Variants in SNTG1 observed in about 807,000 individuals in gnomAD.
SNTG1 encodes syntrophin gamma 1.
SNTG1 carries 39 observed loss-of-function variants against 74.7 expected under a neutral mutation model. That is an observed-to-expected ratio of 0.52 (90% CI 0.40 to 0.68). SNTG1 has a LOEUF of 0.68. Among genes scored for constraint, SNTG1 ranks in the 30% least tolerant of loss-of-function variants. SNTG1 has a pLI of 0.00. For missense variants in SNTG1, 685 were observed against 609.5 expected (o/e 1.12, Z -1.30); for synonymous variants, 254 against 217.1 (o/e 1.17, Z -1.49).
At chr8:50,556,199 G>A (rs1178915156) in intron 12 of SNTG1, among the ~76,000 whole-genome samples, 3 of 152,102 alleles carry the variant, frequency 2.0e-5, no homozygotes, top group African/African-American at 7.2e-5. Flanking sequence ...CTTAGTAAAT[G>A]ATGTCTACTA....
At chr8:50,285,099 AAT>A (rs534694647) in intron 2 of SNTG1, among the ~76,000 whole-genome samples, 100 of 152,222 alleles carry the variant, frequency 6.6e-4, no homozygotes, top group Non-Finnish European at 1.3e-3. Context: ...AAGAACAGCA[AAT>A]GTTTCTCTCC....
At chr8:50,642,416 G>A (rs1320843881) in intron 13 of SNTG1, among the ~76,000 whole-genome samples, 1 of 152,058 alleles carries the variant, frequency 6.6e-6, no homozygotes, top group Non-Finnish European at 1.5e-5. Flanking sequence ...TGGCTTGCAG[G>A]GTGACTCAGA....
chr8:50,464,046 T>G (rs529517122), intron 8 of SNTG1, among the ~76,000 whole-genome samples: 1 of 152,328 alleles, frequency 6.6e-6, no homozygotes, highest in African/African-American at 2.4e-5. Context: ...AGCTTCCAAC[T>G]TTTCTTCTTC....
intron 4 of SNTG1, among the ~76,000 whole-genome samples, chr8:50,432,398 C>G (rs1190148584): frequency 6.6e-6 from 1 of 151,772 alleles, no homozygotes; most frequent in African/African-American, 2.4e-5. Context: ...GTCAAAAATG[C>G]CATGTTGTGT....
intron 2 of SNTG1, among the ~76,000 whole-genome samples, chr8:50,390,271 G>T (rs550639805): frequency 4.5e-4 from 69 of 152,278 alleles, no homozygotes; most frequent in African/African-American, 1.6e-3. Flanking sequence ...TAAGGTATAA[G>T]GAAGGGATCC....
rs1296405859 is a variant in SNTG1, at chr8:50,536,624, G to T, written c.550-54G>T. 4 of 1,588,406 alleles carry T rather than the reference G, an allele frequency of 2.5e-6. No homozygotes were observed. The Admixed American group carries it at 5.3e-5, about 21-fold the overall frequency. On this transcript the variant is annotated intron_variant, in intron 10 of 18. Transcript: ENST00000642720. Reference sequence around the variant, plus strand: ...CCAGATAAAAGGGGTTTGAGATACAGAAACTCAAAGCACAGAAGAAAAAAA... The same window carrying T: ...CCAGATAAAAGGGGTTTGAGATACATAAACTCAAAGCACAGAAGAAAAAAA...
chr8:50,335,349 G>A (rs147320833), intron 2 of SNTG1, among the ~76,000 whole-genome samples: 5 of 152,258 alleles, frequency 3.3e-5, no homozygotes, highest in Non-Finnish European at 5.9e-5. Context: ...TTTGCTTATC[G>A]GAAAACTGAA....
chr8:49,940,272 C>T (rs1462349686), intron 1 of SNTG1, among the ~76,000 whole-genome samples: 1 of 152,154 alleles, frequency 6.6e-6, no homozygotes, highest in Non-Finnish European at 1.5e-5. Flanking sequence ...CCTCGAAAGA[C>T]AGAGGATCCC....
At chr8:50,168,833 A>T (rs1438796375) in intron 1 of SNTG1, among the ~76,000 whole-genome samples, 1 of 152,202 alleles carries the variant, frequency 6.6e-6, no homozygotes, top group African/African-American at 2.4e-5. Context: ...TCCAGTGTAC[A>T]CTTCACCCAA....
chr8:49,991,790 C>A (rs187341083), intron 1 of SNTG1, among the ~76,000 whole-genome samples: 1 of 152,156 alleles, frequency 6.6e-6, no homozygotes, highest in Admixed American at 6.5e-5. Context: ...TTCGTGGTTG[C>A]CAGCATATGG....
intron 2 of SNTG1, among the ~76,000 whole-genome samples, chr8:50,257,609 C>G (rs2086949398): frequency 6.6e-6 from 1 of 152,154 alleles, no homozygotes; most frequent in Non-Finnish European, 1.5e-5. Context: ...GAGATTCAAT[C>G]TTTTTGAATT....
rs200052962 is a variant in SNTG1 at position 49,984,210 on chromosome 8, A to AT, written c.-103+71988dup. 7.9e-3 allele frequency among the ~76,000 whole-genome samples: 1,189 copies of AT among 150,418 alleles called. 19 individuals carry two copies. Among genetic ancestry groups the AT allele is most frequent in the African/African-American group, 0.026 (1,048 of 41,094 alleles). On this transcript the variant is annotated intron_variant, in intron 1 of 18. Transcript: ENST00000642720. ...ATAATTTTTTTATTTTTATTTATTTATTTTTTTTTGGTGAGACAGAGATTT... is the reference window on the plus strand; with the variant it reads ...ATAATTTTTTTATTTTTATTTATTTATTTTTTTTTTGGTGAGACAGAGATTT...
chr8:50,368,626 G>T lies in SNTG1; in HGVS notation c.-27-25586G>T, dbSNP rs114403072. ...GGCCCGTTTGAACTGAAGAGGATAGGGGGAGCAGGACAGATTAAGGAAAAG... is the reference window on the plus strand; with the variant it reads ...GGCCCGTTTGAACTGAAGAGGATAGTGGGAGCAGGACAGATTAAGGAAAAG... On this transcript the variant is annotated intron_variant, in intron 2 of 18. Coordinates refer to ENST00000642720, the MANE Select transcript of SNTG1 (RefSeq NM_018967.5). 1.8e-3 allele frequency among the ~76,000 whole-genome samples: 280 copies of T among 152,158 alleles called. 2 individuals carry two copies. The highest frequency in any genetic ancestry group is 6.5e-3 in the African/African-American group (268 of 41,526).
rs887660757 is a variant in SNTG1 at position 50,549,442 on chromosome 8, A to G, written c.681-3608A>G. Among the ~76,000 whole-genome samples, 3 of 152,130 alleles carry G rather than the reference A, an allele frequency of 2.0e-5. No individual in the cohort carries two copies. In the East Asian group the frequency reaches 5.8e-4, roughly 29 times the overall value. On this transcript the variant is annotated intron_variant, in intron 11 of 18. Coordinates refer to ENST00000642720, the MANE Select transcript of SNTG1 (RefSeq NM_018967.5). ...ATGTTCTGTCCTCACACACAGGGCC[A>G]CTCTGTGAGACTGATTTTTCTCATT... is the stretch of plus-strand genomic sequence containing the variant.
At position 50,287,449 on chromosome 8, in the gene SNTG1, G is replaced by A. The variant is rs142804380; in HGVS notation, c.-27-106763G>A. On this transcript the variant is annotated intron_variant, in intron 2 of 18. Coordinates refer to ENST00000642720, the MANE Select transcript of SNTG1 (RefSeq NM_018967.5). ...TGCAAAGTTATGCAAGTCACTGACTGCAAAACAGCACCAGGCCAGGGGACT... is the reference window on the plus strand; with the variant it reads ...TGCAAAGTTATGCAAGTCACTGACTACAAAACAGCACCAGGCCAGGGGACT... Among the ~76,000 whole-genome samples, 452 of 152,244 alleles carry A rather than the reference G, an allele frequency of 3.0e-3. 2 individuals are homozygous for A. The highest frequency in any genetic ancestry group is 0.01 in the African/African-American group (430 of 41,554).
intron 2 of SNTG1, among the ~76,000 whole-genome samples, chr8:50,319,016 A>G (rs2130799778): frequency 6.6e-6 from 1 of 152,048 alleles, no homozygotes; most frequent in African/African-American, 2.4e-5. Context: ...TACACACAGA[A>G]CACATATACA....
intron 13 of SNTG1, among the ~76,000 whole-genome samples, chr8:50,593,284 A>C (rs2094704278): frequency 6.6e-6 from 1 of 152,280 alleles, no homozygotes; most frequent in South Asian, 2.1e-4. Context: ...TTAGCTCCAC[A>C]TGAACTCTGC....
At chr8:50,425,625 C>T (rs1251763261) in intron 4 of SNTG1, among the ~76,000 whole-genome samples, 1 of 151,970 alleles carries the variant, frequency 6.6e-6, no homozygotes, top group African/African-American at 2.4e-5. Flanking sequence ...TAGTCCAATC[C>T]CCACCACTTG....
At position 50,455,290 on chromosome 8, in the gene SNTG1, T is replaced by C. The variant is rs186730196; in HGVS notation, c.363+4561T>C. The stretch of plus-strand genomic sequence containing the variant: ...CATAGCTGATTCCAGAGGTTTCCTT[T>C]TAAAGTAGCATTTCTGCTTTCAGAC... On this transcript the variant is annotated intron_variant, in intron 8 of 18. Coordinates refer to ENST00000642720, the MANE Select transcript of SNTG1 (RefSeq NM_018967.5). Among the ~76,000 whole-genome samples, 3 of 152,320 alleles carry C rather than the reference T, an allele frequency of 2.0e-5. No homozygotes were observed. In the East Asian group the frequency reaches 5.8e-4, roughly 29 times the overall value.
Sources: gnomAD v4.1 joint callset for allele counts (sites outside exome capture counted in the v4.1 genomes callset) on GRCh38, gnomAD v4.1.1 for gene constraint, MANE v1.5 for transcripts, NCBI Gene and HGNC (gene_info 2026-07-23, HGNC 2026-07-21) for gene names.